DGLUCY: variants seen among roughly 807,000 people sequenced by gnomAD.
DGLUCY encodes the protein D-glutamate cyclase, mitochondrial.
In DGLUCY, 58 loss-of-function variants were observed where a neutral mutation model predicts 58.5. The observed-to-expected ratio is 0.99, with a 90% confidence interval of 0.80 to 1.23. The LOEUF (loss-of-function observed/expected upper bound fraction) is 1.23, where lower values mean the gene tolerates loss of function less well. DGLUCY is among the 50% of genes most tolerant of loss of function. DGLUCY has a pLI of 0.00. For missense variants in DGLUCY, 779 were observed against 784.7 expected (o/e 0.99, Z 0.09); for synonymous variants, 325 against 314.1 (o/e 1.03, Z -0.37).
At chr14:91,112,249 CAAAAAAA>C (rs1297795479), upstream of DGLUCY, among the ~76,000 whole-genome samples, 1 of 98,768 alleles carries the variant, frequency 1.0e-5, no homozygotes, top group African/African-American at 3.8e-5. Context: ...AACTCTGTCT[CAAAAAAA>C]AAAAAAAAAG....
At chr14:91,158,560 T>TG (rs965361258) in intron 2 of DGLUCY, among the ~76,000 whole-genome samples, 1 of 152,212 alleles carries the variant, frequency 6.6e-6, no homozygotes, top group African/African-American at 2.4e-5. Context: ...CATAAATTGG[T>TG]GGTTTGGAAT....
chr14:91,079,421 C>A (rs2140043755), intron 1 of DGLUCY, among the ~76,000 whole-genome samples: 1 of 148,828 alleles, frequency 6.7e-6, no homozygotes, highest in South Asian at 2.1e-4. Flanking sequence ...GTGGTGCAGT[C>A]TCGCTCACTG....
chr14:91,091,055 C>G (rs1174366379), intron 1 of DGLUCY: 2 of 152,192 alleles, frequency 1.3e-5, no homozygotes, highest in African/African-American at 4.8e-5. Context: ...ATCTGTTAAG[C>G]CAGCTTGGCA....
intron 1 of DGLUCY, among the ~76,000 whole-genome samples, chr14:91,064,344 G>A (rs1361904351): frequency 6.6e-6 from 1 of 152,118 alleles, no homozygotes; most frequent in Non-Finnish European, 1.5e-5. Flanking sequence ...ATTACCTAGG[G>A]AGAAGCCTGG....
At chr14:91,109,593 G>T (rs2044659336), upstream of DGLUCY, among the ~76,000 whole-genome samples, 1 of 152,174 alleles carries the variant, frequency 6.6e-6, no homozygotes, top group South Asian at 2.1e-4. Context: ...AGAACATATG[G>T]TGGTTGGGTT....
At chr14:91,064,288 A>G (rs961923415) in intron 1 of DGLUCY, among the ~76,000 whole-genome samples, 22 of 152,154 alleles carry the variant, frequency 1.4e-4, no homozygotes, top group Admixed American at 5.9e-4. Flanking sequence ...TAAGCTTAGG[A>G]ATCACTGGCA....
chr14:91,149,116 G>T (rs894808306), intron 1 of DGLUCY, among the ~76,000 whole-genome samples: 2 of 151,764 alleles, frequency 1.3e-5, no homozygotes, highest in Admixed American at 1.3e-4. Context: ...GCGTGGTGGC[G>T]CATGCCTGTA....
intron 1 of DGLUCY, among the ~76,000 whole-genome samples, chr14:91,096,274 T>A (rs531206474): frequency 6.6e-6 from 1 of 152,076 alleles, no homozygotes; most frequent in African/African-American, 2.4e-5. Flanking sequence ...ATTAGCCAGG[T>A]GTGGTGATGC....
At chr14:91,143,076 T>A (rs2046813566) in intron 1 of DGLUCY, among the ~76,000 whole-genome samples, 1 of 150,564 alleles carries the variant, frequency 6.6e-6, no homozygotes. Flanking sequence ...TTGGCAGTTC[T>A]TTTTTTGTTT....
At chr14:91,106,410 T>C (rs1189613421), upstream of DGLUCY, among the ~76,000 whole-genome samples, 1 of 151,634 alleles carries the variant, frequency 6.6e-6, no homozygotes, top group Non-Finnish European at 1.5e-5. Flanking sequence ...AACTGTAGTT[T>C]AAAAAACTAA....
chr14:91,206,059 C>T (rs567058671), intron 12 of DGLUCY, among the ~76,000 whole-genome samples: 7 of 151,786 alleles, frequency 4.6e-5, no homozygotes, highest in Middle Eastern at 3.4e-3. Context: ...AGGCTGGTCT[C>T]GAACTCCTGC....
intron 1 of DGLUCY, among the ~76,000 whole-genome samples, chr14:91,085,077 C>G (rs572509534): frequency 1.3e-5 from 2 of 152,146 alleles, no homozygotes; most frequent in African/African-American, 4.8e-5. Flanking sequence ...TTGAAATTAG[C>G]CTAGCATGGT....
chr14:91,077,517 G>A (rs563149165), intron 1 of DGLUCY, among the ~76,000 whole-genome samples: 2 of 152,158 alleles, frequency 1.3e-5, no homozygotes, highest in South Asian at 4.2e-4. Flanking sequence ...ACTTTGGGAG[G>A]TCGAGGTGGG....
chr14:91,065,325 C>A (rs2043802692), intron 1 of DGLUCY, among the ~76,000 whole-genome samples: 1 of 152,058 alleles, frequency 6.6e-6, no homozygotes, highest in South Asian at 2.1e-4. Context: ...GGGAGATGAG[C>A]GGTTGGGCAA....
chr14:91,210,946 A>G (rs79085486), intron 12 of DGLUCY, among the ~76,000 whole-genome samples: 2,847 of 152,270 alleles, frequency 0.019, 87 homozygotes, highest in African/African-American at 0.065. Context: ...AGATGGCATG[A>G]TTGTCTGTGT....
At chr14:91,214,588 G>A (rs1886229609) in intron 12 of DGLUCY, among the ~76,000 whole-genome samples, 1 of 152,212 alleles carries the variant, frequency 6.6e-6, no homozygotes, top group Admixed American at 6.5e-5. Flanking sequence ...TTTTGGAATG[G>A]GTTTCTACGG....
intron 1 of DGLUCY, among the ~76,000 whole-genome samples, chr14:91,096,824 TG>T (rs2044403128): frequency 1.3e-5 from 2 of 152,160 alleles, no homozygotes. Context: ...GTTGGCCCAC[TG>T]AGAGGGAGTG....
At chr14:91,141,553 AT>A (rs71120118) in intron 1 of DGLUCY, among the ~76,000 whole-genome samples, 185 of 138,082 alleles carry the variant, frequency 1.3e-3, no homozygotes, top group Middle Eastern at 3.8e-3. Context: ...AGAGAGGTTA[AT>A]TTTTTTTTTT....
At chr14:91,134,440 CTT>C (rs960149078) in intron 1 of DGLUCY, among the ~76,000 whole-genome samples, 1 of 144,528 alleles carries the variant, frequency 6.9e-6, no homozygotes, top group Non-Finnish European at 1.5e-5. Flanking sequence ...AATTACATTT[CTT>C]TTTTTTTTTT....
Sources: allele counts gnomAD v4.1 joint callset (sites outside exome capture counted in the v4.1 genomes callset), GRCh38; gene constraint gnomAD v4.1.1; transcripts MANE v1.5; gene names NCBI Gene and HGNC (gene_info 2026-07-23, HGNC 2026-07-21).